Variants in CELA3B observed in about 807,000 individuals in gnomAD.
CELA3B encodes the protein chymotrypsin-like elastase family member 3B.
A neutral mutation model predicts 37.2 loss-of-function variants in CELA3B; 34 were observed. The ratio of observed to expected loss-of-function variants is 0.91; its 90% confidence interval spans 0.70 to 1.22. The LOEUF (loss-of-function observed/expected upper bound fraction) is 1.22, where lower values mean the gene tolerates loss of function less well. Among genes scored for constraint, CELA3B ranks in the 50% most tolerant of loss-of-function variants. The pLI is 0.00. For synonymous variants in CELA3B, 127 were observed against 143.5 expected, an observed-to-expected ratio of 0.89 and a Z score of 0.82; for missense variants, 340 against 363.1, an observed-to-expected ratio of 0.94 and a Z score of 0.52.
At chr1:21,998,213 G>C in exon 5 of CELA3B, 1 of 469,736 alleles carries the variant, frequency 2.1e-6, no homozygotes, top group South Asian at 1.6e-5. Flanking sequence ...GATTCACCGT[G>C]AACACTGGCA....
Position 21,986,590 on chromosome 1 carries a change from C to G in CELA3B, c.702C>G (p.Gly234=). ...PTEDGGWQVH[G]VTSFVSAFGC... is the part of the protein sequence containing the mutation. Reference sequence around the variant, plus strand: ...AGGATGGTGGCTGGCAGGTCCATGGCGTGACCAGCTTTGTTTCTGCCTTTG... The same window carrying G: ...AGGATGGTGGCTGGCAGGTCCATGGGGTGACCAGCTTTGTTTCTGCCTTTG... Residue 234 remains glycine (G), a synonymous_variant, in exon 7 of 8, where the codon GGC becomes GGG. Transcript: ENST00000337107. The G allele has an allele frequency of 3.1e-6, 5 of 1,613,576 alleles. No individual in the cohort carries two copies. The highest frequency in any genetic ancestry group is 4.2e-6 in the Non-Finnish European group (5 of 1,179,634).
chr1:21,984,216 A>G lies in CELA3B; in HGVS notation c.527A>G (p.Gln176Arg). The change falls in exon 6 of 8, where the codon CAG becomes CGG. Residue 176 changes from glutamine to arginine, a missense_variant. Physicochemically the swap from Gln to Arg is conservative, Grantham distance 43 (BLOSUM62 1). Transcript: ENST00000337107. The stretch of plus-strand genomic sequence containing the variant: ...AACGGGCCACTCCCAGACAAGCTGC[A>G]GGAGGCCCTGCTGCCGGTGGTGGAC... ...YTNGPLPDKL[Q>R]EALLPVVDYE... 6.2e-7 allele frequency: 1 copy of G among 1,614,070 alleles called. No homozygotes were observed. The highest frequency in any genetic ancestry group is 8.5e-7 in the Non-Finnish European group (1 of 1,179,964).
intron 2 of CELA3B, 25 bp downstream of exon 2, chr1:21,978,479 A>T (rs1424088615): frequency 3.1e-6 from 5 of 1,611,812 alleles, no homozygotes; most frequent in Non-Finnish European, 4.2e-6. Context: ...AGCTGCCCTC[A>T]TTCCCACCGT....
At chr1:21,983,489 T>C (rs1046501704) in intron 4 of CELA3B, among the ~76,000 whole-genome samples, 1 of 151,450 alleles carries the variant, frequency 6.6e-6, no homozygotes, top group African/African-American at 2.4e-5. Context: ...CAGTGAGCTA[T>C]GATTGTGACA....
intron 4 of CELA3B, among the ~76,000 whole-genome samples, chr1:21,997,020 C>G (rs1644893366): frequency 6.6e-6 from 1 of 151,280 alleles, no homozygotes; most frequent in South Asian, 2.1e-4. Flanking sequence ...AATAGTCATC[C>G]AGAAACATGG....
chr1:21,985,280 C>T (rs868437911), intron 6 of CELA3B, among the ~76,000 whole-genome samples: 2 of 145,634 alleles, frequency 1.4e-5, no homozygotes, highest in Non-Finnish European at 3.0e-5. Context: ...AAGATGTTGT[C>T]TTTTTTTTTT....
chr1:21,984,775 C>T (rs1644827958), intron 6 of CELA3B, among the ~76,000 whole-genome samples: 2 of 151,832 alleles, frequency 1.3e-5, no homozygotes, highest in Non-Finnish European at 1.5e-5. Context: ...GGTGAAACCC[C>T]GTCTCTACTA....
chr1:21,988,274 G>T, intron 7 of CELA3B, among the ~76,000 whole-genome samples: 1 of 117,662 alleles, frequency 8.5e-6, no homozygotes, highest in South Asian at 2.9e-4. Flanking sequence ...TTAATCCCTT[G>T]GTTCCCTGAC....
At chr1:21,979,305 C>T (rs1434531276) in intron 2 of CELA3B, among the ~76,000 whole-genome samples, 1 of 151,858 alleles carries the variant, frequency 6.6e-6, no homozygotes, top group Non-Finnish European at 1.5e-5. Flanking sequence ...CTTGTGACCT[C>T]AGCTGATGCA....
intron 7 of CELA3B, 93 bp downstream of exon 7, chr1:21,986,776 A>C: frequency 1.4e-6 from 2 of 1,416,910 alleles, no homozygotes; most frequent in Non-Finnish European, 1.9e-6. Flanking sequence ...GAGGGCCTGA[A>C]AGGATCCTAG....
downstream of CELA3B, among the ~76,000 whole-genome samples, chr1:21,990,664 G>T (rs141663102): frequency 0.49 from 3,733 of 7,576 alleles, 108 homozygotes; most frequent in East Asian, 0.5. Flanking sequence ...TGGGAGGCCA[G>T]GGTGGGTGGA....
intron 6 of CELA3B, 74 bp from the exon 7 acceptor site, chr1:21,986,457 A>G: frequency 6.4e-7 from 1 of 1,565,334 alleles, no homozygotes; most frequent in Non-Finnish European, 8.6e-7. Context: ...GTTTCTCGAA[A>G]TCCCTAGAAT....
At chr1:21,986,120 T>TC (rs1171033190) in intron 6 of CELA3B, among the ~76,000 whole-genome samples, 8 of 149,674 alleles carry the variant, frequency 5.3e-5, no homozygotes, top group African/African-American at 1.2e-4. Flanking sequence ...ACACCCATAA[T>TC]CCCTTTGGGA....
At chr1:21,994,645 G>C (rs1170355546) in intron 4 of CELA3B, among the ~76,000 whole-genome samples, 3 of 151,018 alleles carry the variant, frequency 2.0e-5, no homozygotes, top group Non-Finnish European at 4.4e-5. Flanking sequence ...CTGAGCTCGG[G>C]TGCATCTCTC....
intron 7 of CELA3B, among the ~76,000 whole-genome samples, chr1:21,989,010 T>A (rs1644857164): frequency 6.6e-6 from 1 of 152,032 alleles, no homozygotes; most frequent in African/African-American, 2.4e-5. Flanking sequence ...TATATATATC[T>A]ATGCACACAT....
chr1:21,987,718 A>T (rs1398558181), intron 7 of CELA3B: 1 of 150,368 alleles, frequency 6.7e-6, no homozygotes, highest in African/African-American at 2.5e-5. Context: ...AAGTAGTAGG[A>T]TCACACCTGT....
At chr1:21,983,672 G>A (rs750337491) in intron 4 of CELA3B, 22 bp from the exon 5 acceptor site, 24 of 1,610,880 alleles carry the variant, frequency 1.5e-5, no homozygotes, top group Middle Eastern at 3.3e-4. Context: ...ACCAGGCCCC[G>A]TGACTGTTCC....
chr1:21,986,133 C>T (rs1423390032), intron 6 of CELA3B, among the ~76,000 whole-genome samples: 1 of 150,664 alleles, frequency 6.6e-6, no homozygotes, highest in Admixed American at 6.7e-5. Flanking sequence ...CTTTGGGAGG[C>T]CCCGGCAGGT....
At chr1:21,982,172 G>T (rs1185924314) in intron 4 of CELA3B, among the ~76,000 whole-genome samples, 2 of 152,136 alleles carry the variant, frequency 1.3e-5, no homozygotes, top group Non-Finnish European at 2.9e-5. Flanking sequence ...TCTTCACAGG[G>T]CTTCTGGGGT....
Sources: allele counts gnomAD v4.1 joint callset (sites outside exome capture counted in the v4.1 genomes callset), GRCh38; gene constraint gnomAD v4.1.1; transcripts MANE v1.5; gene names NCBI Gene and HGNC (gene_info 2026-07-23, HGNC 2026-07-21).